DACH2: variants seen among roughly 807,000 people sequenced by gnomAD.
The protein encoded by DACH2 is dachshund homolog 2.
In DACH2, 17 loss-of-function variants were observed where a neutral mutation model predicts 35.8. That is an observed-to-expected ratio of 0.48 (90% CI 0.33 to 0.71). The LOEUF (loss-of-function observed/expected upper bound fraction) is 0.71. Ranked by LOEUF, DACH2 falls within the 30% of genes least tolerant of loss-of-function variation. The pLI, the probability that DACH2 is intolerant of heterozygous loss-of-function variation, is 0.02. For missense variants in DACH2, 469 were observed against 472.7 expected (o/e 0.99, Z 0.07); for synonymous variants, 195 against 177.3 (o/e 1.10, Z -0.79).
chrX:86,577,459 TATGA>T (rs1305448382), intron 3 of DACH2, among the ~76,000 whole-genome samples: 1 of 111,568 alleles, frequency 9.0e-6, no homozygotes, highest in Non-Finnish European at 1.9e-5. Context: ...TATAGGATTT[TATGA>T]ATATTTTAAA....
At chrX:86,394,541 C>A (rs781168526) in intron 2 of DACH2, among the ~76,000 whole-genome samples, 8 of 111,369 alleles carry the variant, frequency 7.2e-5, no homozygotes, top group Non-Finnish European at 1.3e-4. Flanking sequence ...AAGAGTATTT[C>A]TTTTGAAAAA....
intron 1 of DACH2, among the ~76,000 whole-genome samples, chrX:86,182,809 A>G (rs867799560): frequency 0.016 from 1 of 63 alleles, no homozygotes; most frequent in African/African-American, 0.062. Context: ...TATCCATGAG[A>G]TGGAATGTTT....
intron 6 of DACH2, 62 bp downstream of exon 6, chrX:86,714,782 T>C: frequency 1.0e-6 from 1 of 993,732 alleles, no homozygotes; most frequent in Non-Finnish European, 1.4e-6. Flanking sequence ...TGATAAAATA[T>C]TTACAATCCC....
At chrX:86,750,511 G>T (rs1045026162) in intron 7 of DACH2, among the ~76,000 whole-genome samples, 1 of 111,680 alleles carries the variant, frequency 9.0e-6, no homozygotes, top group Non-Finnish European at 1.9e-5. Flanking sequence ...TTGACTGTAG[G>T]CACAATGCTG....
At chrX:86,210,920 CATT>C (rs2032431001) in intron 1 of DACH2, among the ~76,000 whole-genome samples, 1 of 111,506 alleles carries the variant, frequency 9.0e-6, no homozygotes, top group African/African-American at 3.3e-5. Flanking sequence ...TTCAAAGCAT[CATT>C]GAGAGGATTG....
chrX:86,476,416 T>C (rs914373078), intron 2 of DACH2, among the ~76,000 whole-genome samples: 1 of 111,928 alleles, frequency 8.9e-6, no homozygotes, highest in African/African-American at 3.2e-5. Flanking sequence ...TCACTTCTTC[T>C]AGATTTTCTG....
At chrX:86,631,607 TA>T (rs979497197) in intron 3 of DACH2, among the ~76,000 whole-genome samples, 2 of 112,136 alleles carry the variant, frequency 1.8e-5, no homozygotes, top group African/African-American at 6.5e-5. Flanking sequence ...TTTTAAAATA[TA>T]AAACCATATT....
At chrX:86,655,576 T>C (rs184914011) in intron 4 of DACH2, among the ~76,000 whole-genome samples, 2 of 111,767 alleles carry the variant, frequency 1.8e-5, no homozygotes, top group African/African-American at 6.5e-5. Flanking sequence ...GAGTAATTCT[T>C]GAATATGATT....
intron 3 of DACH2, among the ~76,000 whole-genome samples, chrX:86,646,615 C>A (rs908134577): frequency 6.4e-5 from 7 of 109,925 alleles, no homozygotes; most frequent in Non-Finnish European, 1.1e-4. Flanking sequence ...TAAAAAGCTT[C>A]TACACAGCAA....
chrX:86,587,677 T>A (rs775847605), intron 3 of DACH2, among the ~76,000 whole-genome samples: 1 of 111,979 alleles, frequency 8.9e-6, no homozygotes, highest in Non-Finnish European at 1.9e-5. Flanking sequence ...TGCTTGTATG[T>A]CTTCCTTTGA....
intron 2 of DACH2, among the ~76,000 whole-genome samples, chrX:86,417,087 C>T (rs2036716920): frequency 3.8e-5 from 1 of 26,243 alleles, no homozygotes; most frequent in South Asian, 5.2e-3. Flanking sequence ...GAGACTCCAT[C>T]TCAAAAAAAA....
At chrX:86,749,057 C>A (rs1248014374) in intron 7 of DACH2, among the ~76,000 whole-genome samples, 1 of 111,892 alleles carries the variant, frequency 8.9e-6, no homozygotes, top group East Asian at 2.8e-4. Context: ...CCTCTTTCAG[C>A]CTACAAGGAA....
At position 86,714,613 on chromosome X, in the gene DACH2, G is replaced by A; in HGVS notation, c.997G>A (p.Val333Ile). The A allele has an allele frequency of 8.3e-7, 1 of 1,208,980 alleles. No homozygotes were observed. The highest frequency in any genetic ancestry group is 1.1e-6 in the Non-Finnish European group (1 of 893,600). Residue 333 changes from valine to isoleucine, a missense_variant, in exon 6 of 12, where the codon GTT (valine) becomes ATT (isoleucine). Physicochemically the swap from Val to Ile is conservative, Grantham distance 29. Around this residue, in one of 3 missense-constraint regions of DACH2, gnomAD observed 363 missense variants for 334.4 expected, o/e 1.09. Coordinates refer to ENST00000373125, the MANE Select transcript of DACH2 (RefSeq NM_053281.3). ...TCCAGTCAGCTTACCTCCTGCATCA[G>A]TTGCCATGGCAATGAATCAGATGAA... The part of the protein sequence containing the change: ...LLPVSLPPAS[V>I]AMAMNQMNHL...
At chrX:86,246,055 C>T (rs776245508) in intron 1 of DACH2, among the ~76,000 whole-genome samples, 2 of 111,067 alleles carry the variant, frequency 1.8e-5, no homozygotes, top group South Asian at 3.8e-4. Context: ...TACACCAAGC[C>T]GAGGAAAGGA....
At chrX:86,544,621 C>G (rs1430062980) in intron 3 of DACH2, among the ~76,000 whole-genome samples, 1 of 111,101 alleles carries the variant, frequency 9.0e-6, no homozygotes, top group Non-Finnish European at 1.9e-5. Flanking sequence ...CCAGACAGGC[C>G]TTACAAGAGG....
At chrX:86,375,906 C>A (rs1457565168) in intron 1 of DACH2, among the ~76,000 whole-genome samples, 1 of 110,365 alleles carries the variant, frequency 9.1e-6, no homozygotes. Flanking sequence ...ATTCCCATTT[C>A]TGTATTACTA....
chrX:86,552,348 C>T (rs1363100904), intron 3 of DACH2, among the ~76,000 whole-genome samples: 1 of 111,601 alleles, frequency 9.0e-6, no homozygotes, highest in Admixed American at 9.6e-5. Context: ...GCTAAAACAG[C>T]CATAAAGTAA....
chrX:86,775,115 A>G (rs1293904450), intron 7 of DACH2, among the ~76,000 whole-genome samples: 1 of 112,026 alleles, frequency 8.9e-6, no homozygotes, highest in Admixed American at 9.5e-5. Context: ...TACTTTGCAA[A>G]TGACTAGTAA....
chrX:86,570,602 G>A (rs1029211573), intron 3 of DACH2, among the ~76,000 whole-genome samples: 4 of 110,364 alleles, frequency 3.6e-5, no homozygotes, highest in Non-Finnish European at 7.6e-5. Flanking sequence ...AGGGTGAAGC[G>A]GGAGAGCATT....
Sources: gnomAD v4.1 joint callset for allele counts (sites outside exome capture counted in the v4.1 genomes callset) on GRCh38, gnomAD v4.1.1 for gene constraint, gnomAD v4.1.1 regional missense constraint, MANE v1.5 for transcripts, NCBI Gene and HGNC (gene_info 2026-07-23, HGNC 2026-07-21) for gene names.